Variants in ANKS1A observed in about 807,000 individuals in gnomAD.
ANKS1A encodes ankyrin repeat and SAM domain-containing protein 1A.
Under a neutral mutation model 120.3 loss-of-function variants are expected in ANKS1A, and 55 were observed. The ratio of observed to expected loss-of-function variants is 0.46; its 90% CI spans 0.37 to 0.57. The LOEUF (loss-of-function observed/expected upper bound fraction) is 0.57, where lower values mean the gene tolerates loss of function less well. Among genes scored for constraint, ANKS1A ranks in the 20% least tolerant of loss-of-function variants. The pLI is 0.00. For synonymous variants in ANKS1A, 590 were observed against 604.7 expected, an observed-to-expected ratio of 0.98 and a Z score of 0.36; for missense variants, 1,123 against 1,480.3, an observed-to-expected ratio of 0.76 and a Z score of 3.96.
At chr6:35,020,276 C>T (rs998040169) in intron 11 of ANKS1A, among the ~76,000 whole-genome samples, 3 of 152,104 alleles carry the variant, frequency 2.0e-5, no homozygotes, top group African/African-American at 7.2e-5. Context: ...AATAAAAATA[C>T]AGTGTAACAA....
At chr6:35,072,859 T>C (rs1324582060) in intron 13 of ANKS1A, among the ~76,000 whole-genome samples, 1 of 152,146 alleles carries the variant, frequency 6.6e-6, no homozygotes, top group African/African-American at 2.4e-5. Context: ...GCTCCTGCTG[T>C]CTGGCAGGCG....
intron 1 of ANKS1A, among the ~76,000 whole-genome samples, chr6:34,916,090 A>T (rs563595348): frequency 2.0e-5 from 3 of 146,810 alleles, no homozygotes; most frequent in Non-Finnish European, 4.4e-5. Context: ...CCTCCCGGGT[A>T]CAAGCAGTTC....
chr6:34,992,481 G>A (rs185777925), intron 9 of ANKS1A, among the ~76,000 whole-genome samples: 36 of 152,336 alleles, frequency 2.4e-4, no homozygotes, highest in Non-Finnish European at 4.4e-4. Context: ...GAAGCATGCC[G>A]GAGGCTATAT....
At position 35,057,991 on chromosome 6, in the gene ANKS1A, G is replaced by A. The variant is rs768872196; in HGVS notation, c.2078-2156G>A. ...GCTAGAGGTAAAGTTTCATATCTCC[G>A]CCCTTCATATGCATTTGTGCAGCCA... On this transcript the variant is annotated intron_variant, in intron 12 of 23. Coordinates refer to ENST00000360359, the MANE Select transcript of ANKS1A (RefSeq NM_015245.3). This position sits in a 1 kb window ranked among gnomAD's most constrained non-coding sequence, Gnocchi z 4.1. Among the ~76,000 whole-genome samples, 9 of 152,140 alleles carry A rather than the reference G, an allele frequency of 5.9e-5. No homozygotes were observed. The highest frequency in any genetic ancestry group is 9.7e-5 in the African/African-American group (4 of 41,426).
At chr6:34,916,587 G>A (rs78412993) in intron 1 of ANKS1A, among the ~76,000 whole-genome samples, 1,589 of 152,206 alleles carry the variant, frequency 0.01, 14 homozygotes, top group Non-Finnish European at 0.015. Flanking sequence ...GAACTGCCAG[G>A]TTTGCCAGAT....
chr6:34,897,596 A>C (rs1237193308), intron 1 of ANKS1A, among the ~76,000 whole-genome samples: 1 of 152,112 alleles, frequency 6.6e-6, no homozygotes, highest in Non-Finnish European at 1.5e-5. Flanking sequence ...TTTCCAAAGG[A>C]TTATTGGGAG....
Position 35,084,395 on chromosome 6 carries a change from C to A in ANKS1A, c.3132+137C>A. ...GCAAATGTTTGGTTCATGAATGGAG[C>A]CCAGCAGCACTCAGGCCGGTCCCCT... is the stretch of plus-strand genomic sequence containing the variant. On this transcript the variant is annotated intron_variant, in intron 21 of 23. Transcript: ENST00000360359. This position sits in a 1 kb window ranked among gnomAD's most constrained non-coding sequence, Gnocchi z 4.8. The A allele has an allele frequency of 8.0e-7, 1 of 1,242,406 alleles. No homozygotes were observed. The highest frequency in any genetic ancestry group is 1.1e-6 in the Non-Finnish European group (1 of 918,948). The allele number at this position is 1,242,406 out of a possible 1,614,324, so 77.0% of individuals were successfully genotyped here.
At chr6:34,970,973 A>G (rs554821211) in intron 3 of ANKS1A, among the ~76,000 whole-genome samples, 1 of 152,352 alleles carries the variant, frequency 6.6e-6, no homozygotes, top group Non-Finnish European at 1.5e-5. Flanking sequence ...ATGCCACTGC[A>G]CTGCAGCCTG....
chr6:35,057,500 C>T lies in ANKS1A; in HGVS notation c.2078-2647C>T, dbSNP rs185154950. On this transcript the variant is annotated intron_variant, in intron 12 of 23. Transcript: ENST00000360359. This position sits in a 1 kb window ranked among gnomAD's most constrained non-coding sequence, Gnocchi z 4.1. The stretch of plus-strand genomic sequence containing the variant: ...CAGCCTATTGGGATACCAGTATCTC[C>T]CAGCATATTTAGAGGGTAATGTGTC... Among the ~76,000 whole-genome samples, 98 of 152,274 alleles carry T rather than the reference C, an allele frequency of 6.4e-4. No homozygotes were observed. The highest frequency in any genetic ancestry group is 2.3e-3 in the African/African-American group (96 of 41,552).
chr6:34,940,692 C>T (rs1054594182), intron 1 of ANKS1A, among the ~76,000 whole-genome samples: 1 of 151,994 alleles, frequency 6.6e-6, no homozygotes, highest in Non-Finnish European at 1.5e-5. Flanking sequence ...AGGCGGATCA[C>T]AAGGTCAGGA....
In ANKS1A at chr6:35,089,024, TCTGTCCTCAGGACG is replaced by T; in HGVS notation, c.*416_*429del. On this transcript the variant is annotated 3_prime_UTR_variant, in exon 24 of 24. Coordinates refer to ENST00000360359, the MANE Select transcript of ANKS1A (RefSeq NM_015245.3). ...GGTTCAGAGGCCAGCCTGCATAGCC[TCTGTCCTCAGGACG>T]GAACTTGGGTGCAGCTCAGTGGGTC... is the stretch of plus-strand genomic sequence containing the variant. 2 of 1,125,460 alleles carry T rather than the reference TCTGTCCTCAGGACG, an allele frequency of 1.8e-6. No homozygotes were observed. Among genetic ancestry groups the T allele is most frequent in the South Asian group, 5.0e-5 (2 of 39,718 alleles). The allele number at this position is 1,125,460 out of a possible 1,614,324, so 69.7% of individuals were successfully genotyped here.
intron 1 of ANKS1A, among the ~76,000 whole-genome samples, chr6:34,957,033 G>A (rs547594323): frequency 1.4e-4 from 22 of 152,300 alleles, no homozygotes; most frequent in African/African-American, 4.1e-4. Flanking sequence ...AATTGGCATC[G>A]CCTTCACAGG....
intron 13 of ANKS1A, among the ~76,000 whole-genome samples, chr6:35,075,309 C>CA (rs1348559780): frequency 6.6e-6 from 1 of 150,432 alleles, no homozygotes; most frequent in Non-Finnish European, 1.5e-5. Context: ...CACTTAGCTA[C>CA]AAAAAATAGA....
At position 34,895,419 on chromosome 6, in the gene ANKS1A, C is replaced by T. The variant is rs536639850; in HGVS notation, c.197+5820C>T. 2.6e-4 allele frequency among the ~76,000 whole-genome samples: 39 copies of T among 152,242 alleles called. No homozygotes were observed. In the South Asian group the frequency reaches 6.0e-3, roughly 23 times the overall value. On this transcript the variant is annotated intron_variant, in intron 1 of 23. Transcript: ENST00000360359. Reference sequence around the variant, plus strand: ...AGCATAACCATTCTATTGAAATGGTCCTTTATTCATTCCCAGAATGGATCT... The same window carrying T: ...AGCATAACCATTCTATTGAAATGGTTCTTTATTCATTCCCAGAATGGATCT...
chr6:34,922,142 A>AT (rs1249972239), intron 1 of ANKS1A, among the ~76,000 whole-genome samples: 1 of 151,872 alleles, frequency 6.6e-6, no homozygotes, highest in Non-Finnish European at 1.5e-5. Flanking sequence ...AAGACTCTGA[A>AT]TATAAAAGTA....
Position 35,044,771 on chromosome 6 carries a change from A to AT in ANKS1A, c.2011-9324dup, listed in dbSNP as rs1775635482. Among the ~76,000 whole-genome samples the AT allele has an allele frequency of 6.6e-6, 1 of 152,182 alleles. No homozygotes were observed. Among genetic ancestry groups the AT allele is most frequent in the African/African-American group, 2.4e-5 (1 of 41,440 alleles). ...AACAACAAAAAACAAAGGAACCTGG[A>AT]TTTTGATTAACTTGTTTTTTAGATA... On this transcript the variant is annotated intron_variant, in intron 11 of 23. Transcript: ENST00000360359. This position sits in a 1 kb window ranked among gnomAD's most constrained non-coding sequence, Gnocchi z 4.4.
intron 2 of ANKS1A, among the ~76,000 whole-genome samples, chr6:34,968,484 C>T (rs1308068313): frequency 6.6e-6 from 1 of 152,194 alleles, no homozygotes; most frequent in East Asian, 1.9e-4. Flanking sequence ...GTTGCCCAGG[C>T]TGGAGTGCAG....
intron 13 of ANKS1A, among the ~76,000 whole-genome samples, chr6:35,062,770 A>G (rs1203134301): frequency 6.6e-6 from 1 of 152,196 alleles, no homozygotes. Flanking sequence ...ATCCCTTCCA[A>G]GTAGTCTCTG....
chr6:35,016,647 A>G (rs905968763), intron 10 of ANKS1A, among the ~76,000 whole-genome samples: 6 of 152,148 alleles, frequency 3.9e-5, no homozygotes, highest in Non-Finnish European at 8.8e-5. Context: ...GAGAACTGCA[A>G]ATGTCTCCTG....
Sources: gnomAD v4.1 joint callset for allele counts (sites outside exome capture counted in the v4.1 genomes callset) on GRCh38, gnomAD v4.1.1 for gene constraint, Gnocchi (gnomAD v3.1) non-coding constraint, MANE v1.5 for transcripts, NCBI Gene and HGNC (gene_info 2026-07-23, HGNC 2026-07-21) for gene names.